SYCP2L: variants seen among roughly 807,000 people sequenced by gnomAD.
SYCP2L encodes synaptonemal complex protein 2 like.
A neutral mutation model predicts 125.8 loss-of-function variants in SYCP2L; 98 were observed. That is an observed-to-expected ratio of 0.78 (90% CI 0.66 to 0.92). The LOEUF (loss-of-function observed/expected upper bound fraction) is 0.92, where lower values mean the gene tolerates loss of function less well. Among genes scored for constraint, SYCP2L ranks in the 40% least tolerant of loss-of-function variants. The pLI is 0.00. For missense variants in SYCP2L, 842 were observed against 936.4 expected (o/e 0.90, Z 1.32); for synonymous variants, 317 against 325.4 (o/e 0.97, Z 0.28).
chr6:10,923,758 A>G (rs1780846359), intron 14 of SYCP2L, among the ~76,000 whole-genome samples: 2 of 143,560 alleles, frequency 1.4e-5, no homozygotes, highest in African/African-American at 5.2e-5. Flanking sequence ...ATCTCGGCTC[A>G]CTGCAAGCTC....
At chr6:10,948,203 A>G (rs1781349388) in intron 23 of SYCP2L, among the ~76,000 whole-genome samples, 1 of 152,130 alleles carries the variant, frequency 6.6e-6, no homozygotes, top group South Asian at 2.1e-4. Flanking sequence ...GCGTGTGTTA[A>G]TAATAAAGAT....
At chr6:10,891,643 G>GTA in intron 2 of SYCP2L, 62 bp downstream of exon 2, 3 of 851,510 alleles carry the variant, frequency 3.5e-6, no homozygotes, top group East Asian at 2.6e-5. Flanking sequence ...GTGTGTGTGT[G>GTA]TGTGTGTGTG....
chr6:10,908,176 C>T (rs1247044469), intron 10 of SYCP2L, among the ~76,000 whole-genome samples: 1 of 152,010 alleles, frequency 6.6e-6, no homozygotes, highest in Non-Finnish European at 1.5e-5. Context: ...GCATGAGCCA[C>T]CATGTCTGTC....
In SYCP2L at chr6:10,958,804, G is replaced by C; in HGVS notation, c.2184G>C (p.Pro728=). The C allele has an allele frequency of 6.2e-7, 1 of 1,613,500 alleles. No homozygotes were observed. The highest frequency in any genetic ancestry group is 8.5e-7 in the Non-Finnish European group (1 of 1,179,800). Residue 728 remains proline, a synonymous_variant, in exon 26 of 30, where the codon CCG becomes CCC. Coordinates refer to ENST00000283141, the MANE Select transcript of SYCP2L (RefSeq NM_001040274.3). ...TTTAGCTTAGGTACAGAAAGCGTCC[G>C]TTTAATTCAGAAAATGCAAAGAAAG... ...RKYELRYRKR[P]FNSENAKKAP...
intron 23 of SYCP2L, among the ~76,000 whole-genome samples, chr6:10,945,615 C>G (rs1020990027): frequency 6.6e-6 from 1 of 151,904 alleles, no homozygotes; most frequent in Non-Finnish European, 1.5e-5. Context: ...ACTAAAAATA[C>G]AAAAATTAAC....
chr6:10,943,369 C>T (rs1331452416), intron 23 of SYCP2L, among the ~76,000 whole-genome samples: 1 of 152,098 alleles, frequency 6.6e-6, no homozygotes, highest in Non-Finnish European at 1.5e-5. Context: ...ATTAATGCAA[C>T]AAATATCTGC....
intron 14 of SYCP2L, among the ~76,000 whole-genome samples, 184 bp from the exon 15 acceptor site, chr6:10,924,312 G>A (rs1295986964): frequency 1.3e-5 from 2 of 152,172 alleles, no homozygotes; most frequent in Non-Finnish European, 2.9e-5. Context: ...ATGTGTATAT[G>A]TGTAAATACA....
intron 10 of SYCP2L, among the ~76,000 whole-genome samples, chr6:10,907,900 T>TTTTG (rs1554105108): frequency 7.7e-6 from 1 of 130,398 alleles, no homozygotes. Flanking sequence ...AGGTTTTTTT[T>TTTTG]TTTTTTTTTT....
chr6:10,973,734 T>A (rs1248020569), intron 29 of SYCP2L, among the ~76,000 whole-genome samples: 1 of 152,180 alleles, frequency 6.6e-6, no homozygotes, highest in African/African-American at 2.4e-5. Context: ...GAGTGGCATG[T>A]GTTGAAGAGA....
chr6:10,931,319 T>G, intron 19 of SYCP2L, 121 bp from the exon 20 acceptor site: 1 of 916,672 alleles, frequency 1.1e-6, no homozygotes, highest in Non-Finnish European at 1.7e-6. Context: ...GAGTAGACAT[T>G]TCTGGAAGCT....
chr6:10,923,380 C>CTTTTTTTTTTTTT (rs1226992236), intron 14 of SYCP2L, among the ~76,000 whole-genome samples: 1 of 92,460 alleles, frequency 1.1e-5, no homozygotes, highest in Non-Finnish European at 2.0e-5. Context: ...GAAACACACA[C>CTTTTTTTTTTTTT]TTTTTTTTTT....
chr6:10,892,177 A>G (rs1191926768), intron 2 of SYCP2L, among the ~76,000 whole-genome samples: 2 of 152,244 alleles, frequency 1.3e-5, no homozygotes, highest in Non-Finnish European at 2.9e-5. Flanking sequence ...GAGGCAAGGA[A>G]GAGCTTGACT....
In SYCP2L at chr6:10,907,516, A is replaced by G. The variant is rs368946586; in HGVS notation, c.677-26A>G. Reference sequence around the variant, plus strand: ...TTTTGCTTTGTGCCCAGAATTATCTATGTCTACTATGTTTTTAATCTCTAG... The same window carrying G: ...TTTTGCTTTGTGCCCAGAATTATCTGTGTCTACTATGTTTTTAATCTCTAG... On this transcript the variant is annotated intron_variant, in intron 9 of 29. Transcript: ENST00000283141. 106 of 1,592,382 alleles carry G rather than the reference A, an allele frequency of 6.7e-5. 1 individual carries two copies. Among genetic ancestry groups the G allele is most frequent in the African/African-American group, 4.3e-4 (32 of 73,838 alleles).
In SYCP2L at chr6:10,932,390, A is replaced by T. The variant is rs111423553; in HGVS notation, c.1683+901A>T. On this transcript the variant is annotated intron_variant, in intron 20 of 29. Transcript: ENST00000283141. ...GTTGGTTTGTGTTTTGTGTCACGTG[A>T]GCTATGTATACAGTACAGAGCATAT... Among the ~76,000 whole-genome samples, 1,315 of 152,310 alleles carry T rather than the reference A, an allele frequency of 8.6e-3. 29 individuals carry two copies. The highest frequency in any genetic ancestry group is 0.03 in the African/African-American group (1,252 of 41,562).
At chr6:10,898,952 C>A in intron 6 of SYCP2L, 104 bp downstream of exon 6, 1 of 776,364 alleles carries the variant, frequency 1.3e-6, no homozygotes, top group Non-Finnish European at 2.2e-6. Context: ...TGAGTTTAAA[C>A]ATTTTATTTG....
intron 20 of SYCP2L, among the ~76,000 whole-genome samples, chr6:10,933,275 C>T (rs974354619): frequency 6.6e-6 from 1 of 152,206 alleles, no homozygotes; most frequent in African/African-American, 2.4e-5. Flanking sequence ...ATCTCTTTGG[C>T]AACTACTCAC....
At position 10,903,020 on chromosome 6, in the gene SYCP2L, T is replaced by C. The variant is rs182664566; in HGVS notation, c.641+57T>C. On this transcript the variant is annotated intron_variant, in intron 8 of 29. Transcript: ENST00000283141. Reference sequence around the variant, plus strand: ...GTAAGGGTAAAATCTCTCATGAGTGTATGGCTTCAGTCTGTGTTCTACTTA... The same window carrying C: ...GTAAGGGTAAAATCTCTCATGAGTGCATGGCTTCAGTCTGTGTTCTACTTA... 5.0e-4 allele frequency: 701 copies of C among 1,409,250 alleles called. 1 individual carries two copies. Among genetic ancestry groups the C allele is most frequent in the Admixed American group, 1.3e-3 (77 of 59,024 alleles). 87.3% of individuals were successfully genotyped at this position (1,409,250 alleles called of 1,614,324 possible). A position where few individuals can be genotyped will look rare whatever the true frequency, so the allele number is the denominator to read the frequency against.
intron 10 of SYCP2L, among the ~76,000 whole-genome samples, chr6:10,908,192 C>T (rs1230285535): frequency 6.6e-6 from 1 of 151,924 alleles, no homozygotes; most frequent in Non-Finnish European, 1.5e-5. Flanking sequence ...CTGTCTAGGA[C>T]TTCTTTATAG....
At chr6:10,895,846 GTTC>G (rs976821120) in intron 4 of SYCP2L, among the ~76,000 whole-genome samples, 3 of 150,756 alleles carry the variant, frequency 2.0e-5, no homozygotes, top group Non-Finnish European at 3.0e-5. Flanking sequence ...GTGCTCGGAA[GTTC>G]TTCTACTACA....
Sources: allele counts gnomAD v4.1 joint callset (sites outside exome capture counted in the v4.1 genomes callset), GRCh38; gene constraint gnomAD v4.1.1; transcripts MANE v1.5; gene names NCBI Gene and HGNC (gene_info 2026-07-23, HGNC 2026-07-21).